BRAF: variants seen among roughly 807,000 people sequenced by gnomAD.
BRAF encodes B-Raf proto-oncogene, serine/threonine kinase, also known as serine/threonine-protein kinase B-raf.
A neutral mutation model predicts 104.6 loss-of-function variants in BRAF; 16 were observed. The ratio of observed to expected loss-of-function variants is 0.15; its 90% CI spans 0.10 to 0.23. BRAF has a LOEUF of 0.23. BRAF is among the 10% of genes least tolerant of loss of function. BRAF has a pLI of 1.00. For synonymous variants in BRAF, 310 were observed against 341.6 expected (o/e 0.91, Z 1.02); for missense variants, 541 against 937.3 (o/e 0.58, Z 5.52).
chr7:140,892,148 C>A (rs1814298985), intron 1 of BRAF, among the ~76,000 whole-genome samples: 1 of 152,046 alleles, frequency 6.6e-6, no homozygotes, highest in Non-Finnish European at 1.5e-5. Context: ...GTAGTCCCAA[C>A]TACTTGGAAG....
At chr7:140,834,988 T>C (rs1191242715) in intron 2 of BRAF, 116 bp from the exon 3 acceptor site, 2 of 1,179,870 alleles carry the variant, frequency 1.7e-6, no homozygotes, top group South Asian at 2.6e-5. Flanking sequence ...GGGTTTTAAG[T>C]TTCAAATTAC....
chr7:140,913,755 T>C (rs1338388754), intron 1 of BRAF, among the ~76,000 whole-genome samples: 7 of 152,176 alleles, frequency 4.6e-5, no homozygotes, highest in Non-Finnish European at 7.3e-5. Flanking sequence ...GTGCTGGGAT[T>C]ACAGGCGTGA....
Position 140,721,054 on chromosome 7 carries a change from A to G in BRAF, c.*5440T>C. ...AACATATTTTAGTTGTTTTCAGAGC[A>G]CTTCTATCTACAGAATTCTTTAAAA... On this transcript the variant is annotated 3_prime_UTR_variant, in exon 20 of 20. Transcript: ENST00000644969. The G allele has an allele frequency of 1.9e-6, 2 of 1,064,056 alleles. No individual in the cohort carries two copies. The highest frequency in any genetic ancestry group is 1.0e-4 in the East Asian group (2 of 19,878). 65.9% of individuals were successfully genotyped at this position (1,064,056 alleles called of 1,614,324 possible).
At chr7:140,865,890 A>T (rs532468332) in intron 1 of BRAF, among the ~76,000 whole-genome samples, 2 of 152,330 alleles carry the variant, frequency 1.3e-5, no homozygotes, top group South Asian at 4.1e-4. Flanking sequence ...GAATAAGAGG[A>T]TCAAACATTT....
intron 14 of BRAF, among the ~76,000 whole-genome samples, chr7:140,755,877 C>G (rs1471557082): frequency 6.6e-6 from 1 of 151,244 alleles, no homozygotes; most frequent in East Asian, 1.9e-4. Flanking sequence ...TAGTATACAG[C>G]CAAGGTGTTG....
At chr7:140,877,655 T>TA (rs1212767062) in intron 1 of BRAF, among the ~76,000 whole-genome samples, 6 of 151,774 alleles carry the variant, frequency 4.0e-5, no homozygotes, top group Admixed American at 1.3e-4. Context: ...ATATCAGTAA[T>TA]AAAAAAACAA....
chr7:140,802,739 AAG>A (rs955856048), intron 5 of BRAF, among the ~76,000 whole-genome samples: 3 of 152,172 alleles, frequency 2.0e-5, no homozygotes, highest in African/African-American at 7.2e-5. Context: ...CTGTTATTTC[AAG>A]AGTCAAAAAG....
At chr7:140,716,771 G>GT (rs779588731), downstream of BRAF, among the ~76,000 whole-genome samples, 1 of 152,198 alleles carries the variant, frequency 6.6e-6, no homozygotes, top group African/African-American at 2.4e-5. Context: ...GTCTAATAAA[G>GT]TTTGAGATGA....
In BRAF at chr7:140,906,200, G is replaced by A. The variant is rs142640963; in HGVS notation, c.138+18366C>T. Among the ~76,000 whole-genome samples the A allele has an allele frequency of 3.7e-3, 561 of 150,734 alleles. 6 individuals carry two copies. The highest frequency in any genetic ancestry group is 0.013 in the African/African-American group (525 of 40,876). On this transcript the variant is annotated intron_variant, in intron 1 of 19. Coordinates refer to ENST00000644969, the MANE Select transcript of BRAF (RefSeq NM_001374258.1). ...ACAAAGGTCTTAGAACCCGGCCTTC[G>A]CCTGTCATATATTTTTTTTGAGACA...
At chr7:140,850,301 T>TGC (rs1809025207) in intron 1 of BRAF, 89 bp from the exon 2 acceptor site, 7 of 1,004,994 alleles carry the variant, frequency 7.0e-6, no homozygotes, top group Non-Finnish European at 1.1e-5. Context: ...TCACAGTAAC[T>TGC]GCCAGTGTTC....
intron 14 of BRAF, among the ~76,000 whole-genome samples, chr7:140,762,451 T>C (rs1586056187): frequency 1.3e-5 from 2 of 151,862 alleles, no homozygotes; most frequent in East Asian, 1.9e-4. Flanking sequence ...AGATCCAAAA[T>C]TGCCACCCTA....
At position 140,720,776 on chromosome 7, in the gene BRAF, G is replaced by T. The variant is rs1280582691; in HGVS notation, c.*5718C>A. ...TCATACTCCACCAAAACACACGTGGGTTCAAAAACTTAACACAAAAATGCA... is the reference window on the plus strand; with the variant it reads ...TCATACTCCACCAAAACACACGTGGTTTCAAAAACTTAACACAAAAATGCA... On this transcript the variant is annotated 3_prime_UTR_variant, in exon 20 of 20. Coordinates refer to ENST00000644969, the MANE Select transcript of BRAF (RefSeq NM_001374258.1). 5.6e-6 allele frequency: 6 copies of T among 1,065,802 alleles called. No homozygotes were observed. Among genetic ancestry groups the T allele is most frequent in the Non-Finnish European group, 6.8e-6 (6 of 879,734 alleles). The allele number at this position is 1,065,802 out of a possible 1,614,324, so 66.0% of individuals were successfully genotyped here. A position where few individuals can be genotyped will look rare whatever the true frequency, so the allele number is the denominator to read the frequency against.
At chr7:140,822,235 T>C (rs1360945414) in intron 3 of BRAF, 1 of 152,156 alleles carries the variant, frequency 6.6e-6, no homozygotes, top group South Asian at 2.1e-4. Context: ...CACAGTACTA[T>C]CAGCTTTCTT....
chr7:140,833,572 G>C (rs10214960), intron 3 of BRAF, among the ~76,000 whole-genome samples: 1,844 of 152,234 alleles, frequency 0.012, 36 homozygotes, highest in African/African-American at 0.041. Flanking sequence ...CTACCCAACA[G>C]AATAAAGAGA....
At chr7:140,826,617 T>C (rs1019022830) in intron 3 of BRAF, among the ~76,000 whole-genome samples, 2 of 152,158 alleles carry the variant, frequency 1.3e-5, no homozygotes, top group African/African-American at 4.8e-5. Context: ...TTAATCTACA[T>C]GGTAGTTACA....
chr7:140,890,644 CT>C (rs899812490), intron 1 of BRAF, among the ~76,000 whole-genome samples: 19 of 152,244 alleles, frequency 1.2e-4, no homozygotes, highest in African/African-American at 4.1e-4. Context: ...TAAAAATCAC[CT>C]TGGAAGCTTT....
Position 140,794,362 on chromosome 7 carries a change from T to A in BRAF, c.1086A>T (p.Arg362=), listed in dbSNP as rs775482964. ...DHRNQFGQRD[R]SSSAPNVHIN... is the part of the protein sequence containing the mutation. The stretch of plus-strand genomic sequence containing the variant: ...TATGCACATTGGGAGCTGATGAGGA[T>A]CGGTCTCGTTGCCCAAATTGATTTC... The change falls in exon 8 of 20, where the codon CGA becomes CGT. Residue 362 remains arginine (R), a synonymous_variant. Transcript: ENST00000644969. 6.2e-7 allele frequency: 1 copy of A among 1,614,018 alleles called. No homozygotes were observed. The highest frequency in any genetic ancestry group is 8.5e-7 in the Non-Finnish European group (1 of 1,179,980).
intron 1 of BRAF, among the ~76,000 whole-genome samples, chr7:140,857,326 G>C (rs1809903998): frequency 6.6e-6 from 1 of 152,118 alleles, no homozygotes; most frequent in Non-Finnish European, 1.5e-5. Flanking sequence ...CAAGAAATCA[G>C]ATTTTTCCTT....
intron 2 of BRAF, among the ~76,000 whole-genome samples, chr7:140,837,045 A>T (rs1266416199): frequency 2.6e-5 from 4 of 152,196 alleles, no homozygotes; most frequent in African/African-American, 9.7e-5. Context: ...CACCACATCT[A>T]TCAATAGCTT....
Sources: gnomAD v4.1 joint callset for allele counts (sites outside exome capture counted in the v4.1 genomes callset) on GRCh38, gnomAD v4.1.1 for gene constraint, MANE v1.5 for transcripts, NCBI Gene and HGNC (gene_info 2026-07-23, HGNC 2026-07-21) for gene names.